Variants in ZCCHC7 observed in about 807,000 individuals in gnomAD.
ZCCHC7 encodes the protein zinc finger CCHC-type containing 7.
A neutral mutation model predicts 52.0 loss-of-function variants in ZCCHC7; 35 were observed. The ratio of observed to expected loss-of-function variants is 0.67; its 90% confidence interval spans 0.51 to 0.89. The LOEUF is 0.89. ZCCHC7 is among the 40% of genes least tolerant of loss of function. The probability of loss-of-function intolerance (pLI) is 0.00; values close to 1 mark genes in which losing one functional copy is unlikely to be tolerated. For missense variants in ZCCHC7, 574 were observed against 649.1 expected (o/e 0.88, Z 1.26); for synonymous variants, 217 against 221.5 (o/e 0.98, Z 0.18).
At chr9:37,343,625 T>G (rs766332209) in intron 6 of ZCCHC7, among the ~76,000 whole-genome samples, 14 of 152,254 alleles carry the variant, frequency 9.2e-5, no homozygotes, top group Non-Finnish European at 1.9e-4. Context: ...ATGAAACTTT[T>G]TCTCAGGCAC....
At chr9:37,331,971 GTTT>G (rs1380813869) in intron 6 of ZCCHC7, among the ~76,000 whole-genome samples, 1 of 151,468 alleles carries the variant, frequency 6.6e-6, no homozygotes, top group African/African-American at 2.4e-5. Flanking sequence ...TAGCACATAG[GTTT>G]TCATAAGCTA....
At chr9:37,279,703 AAT>A (rs150994323) in intron 2 of ZCCHC7, among the ~76,000 whole-genome samples, 33 of 149,062 alleles carry the variant, frequency 2.2e-4, no homozygotes, top group Non-Finnish European at 2.7e-4. Context: ...TATAAATTAA[AAT>A]ATATATATAT....
At chr9:37,191,515 G>T (rs1823021099) in intron 2 of ZCCHC7, among the ~76,000 whole-genome samples, 1 of 152,014 alleles carries the variant, frequency 6.6e-6, no homozygotes, top group African/African-American at 2.4e-5. Flanking sequence ...TAAAATGGTG[G>T]ATAGGATTTA....
At chr9:37,210,746 G>A (rs961745310) in intron 2 of ZCCHC7, among the ~76,000 whole-genome samples, 9 of 152,054 alleles carry the variant, frequency 5.9e-5, no homozygotes, top group Admixed American at 2.0e-4. Flanking sequence ...TTTTTTTGAA[G>A]CCTCTTAGGC....
rs946003623 is a variant in ZCCHC7, at chr9:37,352,580, G to A, written c.1084-2130G>A. 8.9e-5 allele frequency among the ~76,000 whole-genome samples: 13 copies of A among 145,450 alleles called. No homozygotes were observed. The South Asian group carries it at 2.2e-3, about 24-fold the overall frequency. ...GTTGCCCAGGCTGGAGTGCAGTGGCGCAGTCTTGGCTCACTGCAACCTCCA... is the reference window on the plus strand; with the variant it reads ...GTTGCCCAGGCTGGAGTGCAGTGGCACAGTCTTGGCTCACTGCAACCTCCA... On this transcript the variant is annotated intron_variant, in intron 7 of 8. Coordinates refer to ENST00000336755, the MANE Select transcript of ZCCHC7 (RefSeq NM_032226.3).
intron 2 of ZCCHC7, among the ~76,000 whole-genome samples, chr9:37,222,177 T>C (rs1824848280): frequency 6.6e-6 from 1 of 151,724 alleles, no homozygotes; most frequent in Non-Finnish European, 1.5e-5. Flanking sequence ...GATCTTAATA[T>C]TTGTCTGAAA....
intron 2 of ZCCHC7, among the ~76,000 whole-genome samples, chr9:37,168,760 TGAG>T (rs1366931869): frequency 2.0e-5 from 3 of 152,038 alleles, no homozygotes; most frequent in Non-Finnish European, 4.4e-5. Flanking sequence ...AGTACATATT[TGAG>T]GAGTAGAAAA....
intron 2 of ZCCHC7, among the ~76,000 whole-genome samples, chr9:37,237,080 G>A (rs1471134599): frequency 6.6e-6 from 1 of 152,140 alleles, no homozygotes; most frequent in African/African-American, 2.4e-5. Flanking sequence ...AATTGCCTTT[G>A]AAACCAGTAC....
At chr9:37,262,770 G>A (rs916558609) in intron 2 of ZCCHC7, among the ~76,000 whole-genome samples, 1 of 152,148 alleles carries the variant, frequency 6.6e-6, no homozygotes, top group African/African-American at 2.4e-5. Context: ...AAAAGACATT[G>A]TTGACAGAAA....
intron 2 of ZCCHC7, among the ~76,000 whole-genome samples, chr9:37,196,479 T>G (rs1391521690): frequency 6.6e-6 from 1 of 152,186 alleles, no homozygotes; most frequent in African/African-American, 2.4e-5. Flanking sequence ...GGAGACCTGA[T>G]GCAAAGAAAA....
At chr9:37,298,638 C>T (rs1452174261) in intron 2 of ZCCHC7, among the ~76,000 whole-genome samples, 1 of 152,172 alleles carries the variant, frequency 6.6e-6, no homozygotes, top group Admixed American at 6.5e-5. Context: ...ATTGACTGCA[C>T]ATGTGCACAA....
intron 6 of ZCCHC7, 72 bp downstream of exon 6, chr9:37,327,906 A>G: frequency 2.0e-6 from 3 of 1,478,764 alleles, no homozygotes; most frequent in Non-Finnish European, 2.8e-6. Flanking sequence ...GCTGACCATA[A>G]AATATAGACA....
At chr9:37,256,081 G>A (rs1826572232) in intron 2 of ZCCHC7, among the ~76,000 whole-genome samples, 3 of 152,086 alleles carry the variant, frequency 2.0e-5, no homozygotes. Flanking sequence ...GATGAAATTA[G>A]GATAAAATGC....
chr9:37,311,849 G>A (rs776986331), intron 5 of ZCCHC7, among the ~76,000 whole-genome samples: 3 of 152,078 alleles, frequency 2.0e-5, no homozygotes, highest in Non-Finnish European at 2.9e-5. Flanking sequence ...GCTCAATGAT[G>A]TTTCTTCAAT....
chr9:37,184,302 G>C (rs1822530739), intron 2 of ZCCHC7, among the ~76,000 whole-genome samples: 1 of 151,762 alleles, frequency 6.6e-6, no homozygotes. Context: ...TGATTCAGGG[G>C]CTGGTTTGGA....
chr9:37,171,386 A>C (rs1452851771), intron 2 of ZCCHC7, among the ~76,000 whole-genome samples: 1 of 152,206 alleles, frequency 6.6e-6, no homozygotes, highest in African/African-American at 2.4e-5. Flanking sequence ...ATTAATAGAC[A>C]AAACAGTGAA....
Position 37,306,215 on chromosome 9 carries a change from A to ACG in ZCCHC7, c.951+501_951+502insCG, listed in dbSNP as rs1420465528. On this transcript the variant is annotated intron_variant, in intron 5 of 8. Transcript: ENST00000336755. ...CCCGAGTAGCTGGGGCTACAGGAGCATGCCAACACTCCTGGCTAATTTTTG... is the reference window on the plus strand; with the variant it reads ...CCCGAGTAGCTGGGGCTACAGGAGCACGTGCCAACACTCCTGGCTAATTTTTG... Among the ~76,000 whole-genome samples the ACG allele has an allele frequency of 4.0e-5, 6 of 149,130 alleles. No individual in the cohort carries two copies. In the East Asian group the frequency reaches 6.2e-4, roughly 15 times the overall value.
intron 2 of ZCCHC7, among the ~76,000 whole-genome samples, chr9:37,231,846 A>G (rs1174048926): frequency 6.6e-6 from 1 of 152,212 alleles, no homozygotes; most frequent in African/African-American, 2.4e-5. Flanking sequence ...TTGACCTATA[A>G]TTAATTAATA....
chr9:37,290,672 A>G (rs1326251779), intron 2 of ZCCHC7, among the ~76,000 whole-genome samples: 1 of 152,170 alleles, frequency 6.6e-6, no homozygotes, highest in African/African-American at 2.4e-5. Flanking sequence ...AAAAAAAGGA[A>G]TTGATAGTAC....
Sources: gnomAD v4.1 joint callset for allele counts (sites outside exome capture counted in the v4.1 genomes callset) on GRCh38, gnomAD v4.1.1 for gene constraint, MANE v1.5 for transcripts, NCBI Gene and HGNC (gene_info 2026-07-23, HGNC 2026-07-21) for gene names.